The following CCDC169 variants were observed in gnomAD, a reference collection of about 807,000 sequenced individuals.
CCDC169 encodes coiled-coil domain containing 169.
A neutral mutation model predicts 36.0 loss-of-function variants in CCDC169; 30 were observed. That is an observed-to-expected ratio of 0.83 (90% CI 0.62 to 1.13). The LOEUF (loss-of-function observed/expected upper bound fraction) is 1.13, where lower values mean the gene tolerates loss of function less well. Ranked by LOEUF, CCDC169 falls within the 50% of genes most tolerant of loss-of-function variation. The pLI is 0.00. For synonymous variants in CCDC169, 85 were observed against 81.5 expected (o/e 1.04, Z -0.23); for missense variants, 245 against 245.9 (o/e 1.00, Z 0.03).
intron 2 of CCDC169, 138 bp from the exon 3 acceptor site, chr13:36,283,840 G>T: frequency 1.5e-6 from 1 of 680,176 alleles, no homozygotes; most frequent in Non-Finnish European, 2.4e-6. Context: ...GAAGGAAATA[G>T]TTATTAAGTC....
intron 4 of CCDC169, among the ~76,000 whole-genome samples, chr13:36,260,736 C>T (rs1874505727): frequency 6.6e-6 from 1 of 152,134 alleles, no homozygotes; most frequent in Non-Finnish European, 1.5e-5. Context: ...ACTTCTTTGG[C>T]TTGATAAATA....
intron 4 of CCDC169, among the ~76,000 whole-genome samples, chr13:36,256,713 C>A (rs1444665303): frequency 6.6e-6 from 1 of 152,188 alleles, no homozygotes; most frequent in Non-Finnish European, 1.5e-5. Context: ...GAGGCCCCCA[C>A]CGGCCTGGGG....
At chr13:36,227,227 C>T (rs1196010064), downstream of CCDC169, 2 of 1,549,048 alleles carry the variant, frequency 1.3e-6, no homozygotes, top group South Asian at 2.4e-5. Flanking sequence ...GTCTGACACA[C>T]AGCCAAGGTT....
downstream of CCDC169, chr13:36,224,761 C>T (rs1257429370): frequency 6.6e-6 from 1 of 152,114 alleles, no homozygotes; most frequent in East Asian, 1.9e-4. Flanking sequence ...AAACTACTAA[C>T]ATCATTTTTC....
At chr13:36,260,478 G>A (rs9531678) in intron 4 of CCDC169, among the ~76,000 whole-genome samples, 61,588 of 151,938 alleles carry the variant, frequency 0.41, 13,250 homozygotes, top group Non-Finnish European at 0.48. Context: ...ATCCACATCA[G>A]TAATACCATA....
At chr13:36,248,106 A>G (rs572783165) in intron 7 of CCDC169, among the ~76,000 whole-genome samples, 2 of 152,306 alleles carry the variant, frequency 1.3e-5, no homozygotes, top group East Asian at 1.9e-4. Context: ...TCAGCATAAA[A>G]TCTTTTAAAA....
downstream of CCDC169, chr13:36,227,499 A>AAAAT (rs71084414): frequency 7.3e-6 from 8 of 1,096,206 alleles, no homozygotes; most frequent in Admixed American, 4.3e-5. Context: ...CATATACACA[A>AAAAT]AAATAAATAA....
chr13:36,248,265 C>T (rs532632552), intron 7 of CCDC169, among the ~76,000 whole-genome samples: 299 of 152,148 alleles, frequency 2.0e-3, no homozygotes, highest in Middle Eastern at 3.4e-3. Context: ...TACAGTGATC[C>T]GGAACCAAAC....
At position 36,231,748 on chromosome 13, in the gene CCDC169, C is replaced by A. The variant is rs535984922; in HGVS notation, c.546-456G>T. Among the ~76,000 whole-genome samples, 155 of 152,280 alleles carry A rather than the reference C, an allele frequency of 1.0e-3. 1 individual carries two copies. The highest frequency in any genetic ancestry group is 3.6e-3 in the African/African-American group (151 of 41,562). ...TTAGGGGGTGATGGCAGCAAAATGA[C>A]AGAGTCATTTAAAGTCTTTCTCTAT... On this transcript the variant is annotated intron_variant, in intron 7 of 7. Coordinates refer to ENST00000239859, the MANE Select transcript of CCDC169 (RefSeq NM_001144981.3).
chr13:36,230,847 T>C lies in CCDC169; in HGVS notation c.*346A>G. On this transcript the variant is annotated 3_prime_UTR_variant, in exon 8 of 8. Coordinates refer to ENST00000239859, the MANE Select transcript of CCDC169 (RefSeq NM_001144981.3). ...CAAAATGGCAAAAAGGTTTTATGAA[T>C]ACACACTTTTTGCTAACAGTCAACT... 1 of 999,032 alleles carries C rather than the reference T, an allele frequency of 1.0e-6. No homozygotes were observed. The highest frequency in any genetic ancestry group is 1.2e-6 in the Non-Finnish European group (1 of 839,492). The allele number at this position is 999,032 out of a possible 1,614,324, so 61.9% of individuals were successfully genotyped here. A position where few individuals can be genotyped will look rare whatever the true frequency, so the allele number is the denominator to read the frequency against.
At chr13:36,224,126 G>A (rs1024086593), downstream of CCDC169, 4 of 151,972 alleles carry the variant, frequency 2.6e-5, no homozygotes, top group African/African-American at 9.7e-5. Context: ...AGGTCATTAA[G>A]TAAAAAAATT....
intron 2 of CCDC169, among the ~76,000 whole-genome samples, chr13:36,288,411 T>A (rs556871230): frequency 5.3e-5 from 8 of 152,338 alleles, no homozygotes; most frequent in African/African-American, 1.7e-4. Flanking sequence ...TGAATACATG[T>A]AAATGAGATA....
chr13:36,241,573 GT>G (rs1330794331), intron 7 of CCDC169, among the ~76,000 whole-genome samples: 3 of 152,048 alleles, frequency 2.0e-5, no homozygotes, highest in Non-Finnish European at 4.4e-5. Context: ...GTTATAGTTT[GT>G]TTTTATTGCT....
rs116707627 is a variant in CCDC169 at position 36,243,510 on chromosome 13, T to C, written c.545+5096A>G. ...GAGCAAGACTCCATCTCAAAATAAA[T>C]ACATAAATACATAAGGCCAGGCACG... On this transcript the variant is annotated intron_variant, in intron 7 of 7. Transcript: ENST00000239859. Among the ~76,000 whole-genome samples the C allele has an allele frequency of 3.2e-3, 473 of 146,798 alleles. 3 individuals are homozygous for C. The highest frequency in any genetic ancestry group is 0.011 in the African/African-American group (447 of 39,416).
chr13:36,232,363 G>A lies in CCDC169; in HGVS notation c.546-1071C>T, dbSNP rs140441188. Among the ~76,000 whole-genome samples the A allele has an allele frequency of 4.6e-5, 7 of 152,324 alleles. No individual in the cohort carries two copies. The East Asian group carries it at 1.2e-3, about 25-fold the overall frequency. On this transcript the variant is annotated intron_variant, in intron 7 of 7. Coordinates refer to ENST00000239859, the MANE Select transcript of CCDC169 (RefSeq NM_001144981.3). ...CTATCTTTATTTGACCTGACATGGAGATGGTCCAGTGTAAATAGCCTTTTC... is the reference window on the plus strand; with the variant it reads ...CTATCTTTATTTGACCTGACATGGAAATGGTCCAGTGTAAATAGCCTTTTC...
At chr13:36,286,490 C>T (rs1462548165) in intron 2 of CCDC169, among the ~76,000 whole-genome samples, 5 of 152,106 alleles carry the variant, frequency 3.3e-5, no homozygotes, top group Non-Finnish European at 7.4e-5. Flanking sequence ...CCTGGGGGAG[C>T]CATTTGAAAC....
chr13:36,257,978 G>A lies in CCDC169; in HGVS notation c.316-3835C>T, dbSNP rs558461152. On this transcript the variant is annotated intron_variant, in intron 4 of 7. Coordinates refer to ENST00000239859, the MANE Select transcript of CCDC169 (RefSeq NM_001144981.3). Reference sequence around the variant, plus strand: ...AGACAGAACTCAGAAACCAGAACCAGAAGCTGAGGAATGGCGAATGGAACA... The same window carrying A: ...AGACAGAACTCAGAAACCAGAACCAAAAGCTGAGGAATGGCGAATGGAACA... 2.6e-5 allele frequency among the ~76,000 whole-genome samples: 4 copies of A among 152,260 alleles called. No homozygotes were observed. The South Asian group carries it at 8.3e-4, about 32-fold the overall frequency.
downstream of CCDC169, chr13:36,222,780 G>A (rs1292255645): frequency 6.6e-6 from 1 of 151,992 alleles, no homozygotes; most frequent in African/African-American, 2.4e-5. Context: ...CCCGAAACCA[G>A]GAGAAAAATC....
intron 4 of CCDC169, among the ~76,000 whole-genome samples, chr13:36,260,451 T>C (rs1874473788): frequency 1.3e-5 from 2 of 152,202 alleles, no homozygotes; most frequent in African/African-American, 2.4e-5. Flanking sequence ...AAAGATGGAA[T>C]GTAGTGAATT....
Sources: allele counts gnomAD v4.1 joint callset (sites outside exome capture counted in the v4.1 genomes callset), GRCh38; gene constraint gnomAD v4.1.1; transcripts MANE v1.5; gene names NCBI Gene and HGNC (gene_info 2026-07-23, HGNC 2026-07-21).